Variants in HEXIM2 observed in about 807,000 individuals in gnomAD.
HEXIM2 encodes the protein HEXIM P-TEFb complex subunit 2, also known as protein HEXIM2.
For missense variants in HEXIM2, 413 were observed against 390.8 expected, an observed-to-expected ratio of 1.06 and a Z score of -0.48; for synonymous variants, 159 against 162.7, an observed-to-expected ratio of 0.98 and a Z score of 0.17.
chr17:45,161,787 C>T (rs911739840), upstream of HEXIM2: 37 of 977,272 alleles, frequency 3.8e-5, no homozygotes, highest in Admixed American at 5.5e-4. Flanking sequence ...TTTGGAGTCT[C>T]GGGTGTGGCT....
intron 3 of HEXIM2, among the ~76,000 whole-genome samples, chr17:45,166,038 C>G (rs2042834979): frequency 1.3e-5 from 2 of 152,134 alleles, no homozygotes; most frequent in Non-Finnish European, 2.9e-5. Flanking sequence ...CTCAGGTGAT[C>G]TACCTGCCTT....
Position 45,162,475 on chromosome 17 carries a change from C to G in HEXIM2, c.-192-13C>G. ...GCTTCCTGGCTGCCAACCTGGGCCT[C>G]GGTGACTTCCAGGAGGACAGTACAG... On this transcript the variant is annotated splice_polypyrimidine_tract_variant and intron_variant, in intron 1 of 3. Transcript: ENST00000589230. 1 of 1,106,922 alleles carries G rather than the reference C, an allele frequency of 9.0e-7. No individual in the cohort carries two copies. Among genetic ancestry groups the G allele is most frequent in the Non-Finnish European group, 1.1e-6 (1 of 903,304 alleles). The allele number at this position is 1,106,922 out of a possible 1,614,324, so 68.6% of individuals were successfully genotyped here.
upstream of HEXIM2, among the ~76,000 whole-genome samples, chr17:45,161,661 T>C (rs537997828): frequency 1.1e-4 from 16 of 152,360 alleles, no homozygotes; most frequent in African/African-American, 3.8e-4. Flanking sequence ...CGGGTCCAGT[T>C]GTGCCTCCTC....
chr17:45,165,600 G>A (rs1294383809), intron 3 of HEXIM2, among the ~76,000 whole-genome samples: 1 of 151,906 alleles, frequency 6.6e-6, no homozygotes, highest in Non-Finnish European at 1.5e-5. Context: ...TCTCTTGACA[G>A]CCTTTATACC....
intron 3 of HEXIM2, among the ~76,000 whole-genome samples, chr17:45,164,386 C>T (rs530259338): frequency 5.3e-5 from 8 of 152,158 alleles, no homozygotes; most frequent in Non-Finnish European, 1.2e-4. Context: ...AACTGGGAGG[C>T]GGAGTTTGCA....
In HEXIM2 at chr17:45,169,846, C is replaced by A; in HGVS notation, c.*37C>A. ...AGCCTGGTGGACCCAAGGAGAAGGT[C>A]CCATTTCGTGCACACTCAGGCCAGC... On this transcript the variant is annotated 3_prime_UTR_variant, in exon 4 of 4. Transcript: ENST00000589230. 1 of 1,418,076 alleles carries A rather than the reference C, an allele frequency of 7.1e-7. No homozygotes were observed. Among genetic ancestry groups the A allele is most frequent in the South Asian group, 1.5e-5 (1 of 64,814 alleles). The allele number at this position is 1,418,076 out of a possible 1,614,324, so 87.8% of individuals were successfully genotyped here.
upstream of HEXIM2, among the ~76,000 whole-genome samples, chr17:45,160,311 CA>C (rs1485137538): frequency 1.3e-5 from 2 of 152,026 alleles, no homozygotes; most frequent in African/African-American, 4.8e-5. Context: ...TTAGGATCTA[CA>C]AAAGTGATCC....
chr17:45,161,869 C>T, upstream of HEXIM2: 1 of 985,792 alleles, frequency 1.0e-6, no homozygotes, highest in Non-Finnish European at 1.2e-6. Flanking sequence ...ACCGCGCGTC[C>T]AGGCTCTCTC....
In HEXIM2 at chr17:45,169,741, C is replaced by A. The variant is rs73319052; in HGVS notation, c.793C>A (p.Arg265=). The A allele has an allele frequency of 8.8e-4, 1,311 of 1,484,772 alleles. 16 individuals are homozygous for A. The African/African-American group carries it at 0.017, about 20-fold the overall frequency. 92.0% of individuals were successfully genotyped at this position (1,484,772 alleles called of 1,614,324 possible). The part of the protein sequence containing the change: ...EVQRLRTENQ[R]LRQENQMWNR... Reference sequence around the variant, plus strand: ...CCAGAGGCTCCGGACCGAAAACCAGCGGCTTCGTCAGGAGAACCAGATGTG... The same window carrying A: ...CCAGAGGCTCCGGACCGAAAACCAGAGGCTTCGTCAGGAGAACCAGATGTG... Residue 265 remains arginine (R), a synonymous_variant, in exon 4 of 4, where the codon CGG becomes AGG. Transcript: ENST00000589230.
In HEXIM2 at chr17:45,162,835, AC is replaced by A; in HGVS notation, c.44del (p.Pro15GlnfsTer31). The A allele has an allele frequency of 6.2e-7, 1 of 1,613,634 alleles. No homozygotes were observed. The highest frequency in any genetic ancestry group is 8.5e-7 in the Non-Finnish European group (1 of 1,179,956). On this transcript the variant is annotated frameshift_variant, in exon 3 of 4. Transcript: ENST00000589230. LOFTEE classifies it low-confidence loss of function (END_TRUNC). The stretch of plus-strand genomic sequence containing the variant: ...ACCAGACCGCCTGTAATGCAGAGTC[AC>A]CAGTGGCCCTGGAGGAGGCCAAGGT... ...PNQTACNAES[P>X]VALEEAKTSG...
intron 3 of HEXIM2, among the ~76,000 whole-genome samples, chr17:45,168,008 T>C (rs1055893608): frequency 6.6e-6 from 1 of 151,510 alleles, no homozygotes; most frequent in East Asian, 2.0e-4. Context: ...CTCAGCCTCC[T>C]GCATAGCTGG....
chr17:45,164,527 C>T (rs2042788018), intron 3 of HEXIM2, among the ~76,000 whole-genome samples: 1 of 151,396 alleles, frequency 6.6e-6, no homozygotes, highest in South Asian at 2.1e-4. Context: ...ATCCCAGCTG[C>T]TTGGGAGGCT....
At position 45,162,817 on chromosome 17, in the gene HEXIM2, C is replaced by A. The variant is rs186910629; in HGVS notation, c.24C>A (p.Thr8=). The A allele has an allele frequency of 2.6e-5, 42 of 1,613,806 alleles. No homozygotes were observed. The African/African-American group carries it at 4.5e-4, about 17-fold the overall frequency. The stretch of plus-strand genomic sequence containing the variant: ...AGATGATGGCCACTCCGAACCAGAC[C>A]GCCTGTAATGCAGAGTCACCAGTGG... The part of the protein sequence containing the change: MMATPNQ[T]ACNAESPVAL... The change falls in exon 3 of 4, where the codon ACC becomes ACA. Residue 8 remains threonine, a synonymous_variant. Coordinates refer to ENST00000589230, the MANE Select transcript of HEXIM2 (RefSeq NM_001303441.2).
chr17:45,164,247 C>A (rs1047252347), intron 3 of HEXIM2, among the ~76,000 whole-genome samples: 1 of 151,190 alleles, frequency 6.6e-6, no homozygotes, highest in Admixed American at 6.6e-5. Flanking sequence ...CCTGAGGTCA[C>A]GAGTTCGAGA....
At position 45,169,281 on chromosome 17, in the gene HEXIM2, T is replaced by A; in HGVS notation, c.333T>A (p.Ala111=). ...HWRPYLELSW[A]EKQQRDERQS... ...GACCCTACCTGGAGCTGAGCTGGGC[T>A]GAGAAACAACAGCGGGATGAGAGGC... Residue 111 remains alanine, a synonymous_variant, in exon 4 of 4, where the codon GCT becomes GCA. Transcript: ENST00000589230. 1.2e-6 allele frequency: 2 copies of A among 1,613,636 alleles called. No individual in the cohort carries two copies. The highest frequency in any genetic ancestry group is 1.3e-5 in the African/African-American group (1 of 74,962).
chr17:45,169,498 G>A lies in HEXIM2; in HGVS notation c.550G>A (p.Ala184Thr). Residue 184 changes from alanine (A) to threonine (T), a missense_variant, in exon 4 of 4, where the codon GCG becomes ACG. Ala to Thr is a moderately conservative substitution (Grantham distance 58). Transcript: ENST00000589230. The part of the protein sequence containing the change: ...EAGDSDGRGR[A>T]HGEFQRKDFS... ...CGGGGACAGTGATGGGCGGGGCCGA[G>A]CGCACGGTGAGTTCCAGCGGAAGGA... The A allele has an allele frequency of 3.1e-6, 5 of 1,611,538 alleles. No individual in the cohort carries two copies. The African/African-American group carries it at 4.0e-5, about 13-fold the overall frequency.
Position 45,169,797 on chromosome 17 carries a change from G to C in HEXIM2, c.849G>C (p.Glu283Asp). 2 of 1,441,224 alleles carry C rather than the reference G, an allele frequency of 1.4e-6. No homozygotes were observed. The allele number at this position is 1,441,224 out of a possible 1,614,324, so 89.3% of individuals were successfully genotyped here. ...GAGAGGGCTGCCGCTGTGATGAGGA[G>C]CCGGGTACCTAGGGGTGCCTCCCAG... ...WNREGCRCDE[E>D]PGT Residue 283 changes from glutamate (E) to aspartate (D), a missense_variant, in exon 4 of 4, where the codon GAG becomes GAC. Physicochemically the swap from Glu to Asp is conservative, Grantham distance 45. Coordinates refer to ENST00000589230, the MANE Select transcript of HEXIM2 (RefSeq NM_001303441.2).
In HEXIM2 at chr17:45,162,770, C is replaced by G. The variant is rs1466009660; in HGVS notation, c.-24C>G. 3 of 1,613,932 alleles carry G rather than the reference C, an allele frequency of 1.9e-6. No homozygotes were observed. Among genetic ancestry groups the G allele is most frequent in the Non-Finnish European group, 2.5e-6 (3 of 1,179,948 alleles). On this transcript the variant is annotated 5_prime_UTR_variant, in exon 3 of 4. Coordinates refer to ENST00000589230, the MANE Select transcript of HEXIM2 (RefSeq NM_001303441.2). The stretch of plus-strand genomic sequence containing the variant: ...AGCAGGTGTCACTAGTTCCAGGCGT[C>G]TGCTGAAAGATTTGGAACAGAAGAT...
At position 45,169,086 on chromosome 17, in the gene HEXIM2, A is replaced by G; in HGVS notation, c.138A>G (p.Thr46=). The part of the protein sequence containing the change: ...RHDSGGSLPL[T]PRMESHSEDE... Reference sequence around the variant, plus strand: ...ACTCTGGTGGTTCCCTGCCCCTGACACCGCGGATGGAGAGCCACTCAGAGG... The same window carrying G: ...ACTCTGGTGGTTCCCTGCCCCTGACGCCGCGGATGGAGAGCCACTCAGAGG... Residue 46 remains threonine, a synonymous_variant, in exon 4 of 4, where the codon ACA becomes ACG. Coordinates refer to ENST00000589230, the MANE Select transcript of HEXIM2 (RefSeq NM_001303441.2). The G allele has an allele frequency of 6.2e-7, 1 of 1,612,814 alleles. No homozygotes were observed. Among genetic ancestry groups the G allele is most frequent in the Non-Finnish European group, 8.5e-7 (1 of 1,179,322 alleles).
Sources: gnomAD v4.1 joint callset for allele counts (sites outside exome capture counted in the v4.1 genomes callset) on GRCh38, gnomAD v4.1.1 for gene constraint, MANE v1.5 for transcripts, NCBI Gene and HGNC (gene_info 2026-07-23, HGNC 2026-07-21) for gene names.